ZNF594: variants seen among roughly 807,000 people sequenced by gnomAD.
ZNF594 encodes the protein zinc finger protein 594, also known as zinc finger protein HZF18.
For missense variants in ZNF594, 1,037 were observed against 964.6 expected, an observed-to-expected ratio of 1.08 and a Z score of -0.99; for synonymous variants, 336 against 309.4, an observed-to-expected ratio of 1.09 and a Z score of -0.90.
At position 5,183,371 on chromosome 17, in the gene ZNF594, T is replaced by C. The variant is rs1377848167; in HGVS notation, c.886A>G (p.Lys296Glu). ...QRIHTGEKPL[K>E]CNECEKAFRQ... ...AAGGCTTTTTCACATTCATTACATT[T>C]GAGGGGTTTCTCTCCAGTGTGAATT... Residue 296 changes from lysine (K) to glutamate (E), a missense_variant, in exon 2 of 2, where the codon AAA becomes GAA. Physicochemically the swap from Lys to Glu is moderately conservative, Grantham distance 56. Coordinates refer to ENST00000575779, the MANE Select transcript of ZNF594 (RefSeq NM_032530.2). 3 of 1,613,586 alleles carry C rather than the reference T, an allele frequency of 1.9e-6. No homozygotes were observed. Among genetic ancestry groups the C allele is most frequent in the East Asian group, 2.2e-5 (1 of 44,900 alleles).
downstream of ZNF594, among the ~76,000 whole-genome samples, chr17:5,175,582 G>T (rs973759006): frequency 6.6e-6 from 1 of 152,136 alleles, no homozygotes; most frequent in East Asian, 1.9e-4. Context: ...AGAAAGTTAT[G>T]GCAGGGAAGC....
chr17:5,183,044 C>T lies in ZNF594; in HGVS notation c.1213G>A (p.Glu405Lys). ...QVTHTGEKPY[E>K]CKECGKTFNQ... ...AAAGTTTTCCCACATTCTTTACATT[C>T]ATATGGTTTCTCTCCTGTATGAGTT... is the stretch of plus-strand genomic sequence containing the variant. The change falls in exon 2 of 2, where the codon GAA becomes AAA. Residue 405 changes from glutamate (E) to lysine (K), a missense_variant. Glu to Lys is a moderately conservative substitution (Grantham distance 56, BLOSUM62 1). Transcript: ENST00000575779. The T allele has an allele frequency of 2.5e-6, 4 of 1,614,116 alleles. No individual in the cohort carries two copies. Among genetic ancestry groups the T allele is most frequent in the Non-Finnish European group, 3.4e-6 (4 of 1,180,022 alleles).
chr17:5,182,104 A>C lies in ZNF594; in HGVS notation c.2153T>G (p.Met718Arg), dbSNP rs2074346724. 6.2e-7 allele frequency: 1 copy of C among 1,613,432 alleles called. No homozygotes were observed. ...ATGTTTGAGGAAAGCCGTGTGCCAC[A>C]TGAAGAGTTTCCCACATTCCTTACA... ...YECKECGKLF[M>R]WHTAFLKHQR... The change falls in exon 2 of 2, where the codon ATG becomes AGG. Residue 718 changes from methionine (M) to arginine (R), a missense_variant. Physicochemically the swap from Met to Arg is moderately conservative, Grantham distance 91. Transcript: ENST00000575779.
chr17:5,174,379 T>C, the ZNF594 span: 2 of 190,860 alleles, frequency 1.0e-5, no homozygotes, highest in African/African-American at 4.7e-5. Context: ...AGGTAGTAAT[T>C]ACCAATGTAA....
rs1185415058 is a variant in ZNF594 at position 5,180,305 on chromosome 17, T to G, written c.*1528A>C. 6.6e-6 allele frequency: 1 copy of G among 152,288 alleles called. No homozygotes were observed. The highest frequency in any genetic ancestry group is 1.5e-5 in the Non-Finnish European group (1 of 68,202). The allele number at this position is 152,288 out of a possible 1,614,324, so 9.4% of individuals were successfully genotyped here. A position where few individuals can be genotyped will look rare whatever the true frequency, so the allele number is the denominator to read the frequency against. Reference sequence around the variant, plus strand: ...AACTCCTCATGATCAACTCGTGACCTCGTGATCTGCCCACCTTGGCTTCCC... The same window carrying G: ...AACTCCTCATGATCAACTCGTGACCGCGTGATCTGCCCACCTTGGCTTCCC... On this transcript the variant is annotated 3_prime_UTR_variant, in exon 2 of 2. Transcript: ENST00000575779.
intron 1 of ZNF594, among the ~76,000 whole-genome samples, chr17:5,186,792 G>C (rs1403103974): frequency 6.6e-6 from 1 of 152,144 alleles, no homozygotes; most frequent in Non-Finnish European, 1.5e-5. Context: ...CAAATCTCTA[G>C]GGCAGTGGCA....
rs1387909928 is a variant in ZNF594 at position 5,184,197 on chromosome 17, T to C, written c.60A>G (p.Ala20=). 6.2e-7 allele frequency: 1 copy of C among 1,614,138 alleles called. No homozygotes were observed. Among genetic ancestry groups the C allele is most frequent in the Non-Finnish European group, 8.5e-7 (1 of 1,180,018 alleles). The stretch of plus-strand genomic sequence containing the variant: ...TGATTTGTCTTTGGAGTTTTTCGGA[T>C]GCAGCCCTTGCTGACTTCTTTTCTT... ...ISEEKKSARA[A]SEKLQRQITQ... Residue 20 remains alanine (A), a synonymous_variant, in exon 2 of 2, where the codon GCA becomes GCG. Transcript: ENST00000575779.
rs1318146494 is a variant in ZNF594, at chr17:5,180,761, T to G, written c.*1072A>C. 6 of 317,986 alleles carry G rather than the reference T, an allele frequency of 1.9e-5. No homozygotes were observed. The highest frequency in any genetic ancestry group is 3.0e-5 in the Non-Finnish European group (5 of 164,374). 19.7% of individuals were successfully genotyped at this position (317,986 alleles called of 1,614,324 possible). Reference sequence around the variant, plus strand: ...GACAGAAAAAAAAAAGGTGATTATGTCCAAGAGCTTTTGGCTTTTCCACTT... The same window carrying G: ...GACAGAAAAAAAAAAGGTGATTATGGCCAAGAGCTTTTGGCTTTTCCACTT... On this transcript the variant is annotated 3_prime_UTR_variant, in exon 2 of 2. Transcript: ENST00000575779.
chr17:5,187,664 T>C (rs905074216), intron 1 of ZNF594, among the ~76,000 whole-genome samples: 1 of 152,226 alleles, frequency 6.6e-6, no homozygotes, highest in African/African-American at 2.4e-5. Context: ...GAGCTCTCAG[T>C]GCCCTAGCTT....
downstream of ZNF594, chr17:5,174,664 A>G (rs1306117747): frequency 9.5e-5 from 19 of 199,194 alleles, no homozygotes; most frequent in Admixed American, 1.1e-3. Context: ...ATTTCTTTAC[A>G]GATGTTTTAT....
downstream of ZNF594, among the ~76,000 whole-genome samples, chr17:5,178,404 G>A (rs529837395): frequency 1.6e-4 from 24 of 152,170 alleles, no homozygotes; most frequent in Non-Finnish European, 3.4e-4. Context: ...CTTAGCATAT[G>A]TAAAAGAAGG....
At chr17:5,184,382 C>A (rs1179424287) in intron 1 of ZNF594, 106 bp from the exon 2 acceptor site, 3 of 1,142,872 alleles carry the variant, frequency 2.6e-6, no homozygotes, top group Non-Finnish European at 3.6e-6. Flanking sequence ...GAAGACCTTT[C>A]CCTGCCAAAG....
chr17:5,182,107 A>G lies in ZNF594; in HGVS notation c.2150T>C (p.Phe717Ser). The G allele has an allele frequency of 6.2e-7, 1 of 1,613,520 alleles. No homozygotes were observed. The highest frequency in any genetic ancestry group is 8.5e-7 in the Non-Finnish European group (1 of 1,179,962). ...TTTGAGGAAAGCCGTGTGCCACATG[A>G]AGAGTTTCCCACATTCCTTACATTC... ...PYECKECGKL[F>S]MWHTAFLKHQ... The change falls in exon 2 of 2, where the codon TTC (phenylalanine) becomes TCC (serine). Residue 717 changes from phenylalanine to serine, a missense_variant. Phe to Ser is a radical substitution (Grantham distance 155, BLOSUM62 -2). Coordinates refer to ENST00000575779, the MANE Select transcript of ZNF594 (RefSeq NM_032530.2).
At position 5,183,783 on chromosome 17, in the gene ZNF594, A is replaced by G; in HGVS notation, c.474T>C (p.Asn158=). The change falls in exon 2 of 2, where the codon AAT becomes AAC. Residue 158 remains asparagine (N), a synonymous_variant. Coordinates refer to ENST00000575779, the MANE Select transcript of ZNF594 (RefSeq NM_032530.2). ...IHTGNKPYVC[N]ECGKDSNQSS... is the part of the protein sequence containing the mutation. ...TTTGATTAGAGTCTTTCCCACATTC[A>G]TTACACACATATGGCTTATTTCCTG... 6.2e-7 allele frequency: 1 copy of G among 1,614,146 alleles called. No individual in the cohort carries two copies. Among genetic ancestry groups the G allele is most frequent in the Non-Finnish European group, 8.5e-7 (1 of 1,180,034 alleles).
chr17:5,188,222 T>C lies in ZNF594; in HGVS notation c.-21+3526A>G, dbSNP rs150187958. 3.7e-3 allele frequency among the ~76,000 whole-genome samples: 553 copies of C among 151,212 alleles called. 3 individuals are homozygous for C. The highest frequency in any genetic ancestry group is 6.6e-3 in the Non-Finnish European group (447 of 67,814). ...TATATAGAGAGAGAGAGTTCAAAAT[T>C]CAGGAGCAGATTACTATTTAAAAGA... On this transcript the variant is annotated intron_variant, in intron 1 of 1. Transcript: ENST00000575779.
chr17:5,183,592 C>T lies in ZNF594; in HGVS notation c.665G>A (p.Gly222Glu). 6.2e-7 allele frequency: 1 copy of T among 1,614,144 alleles called. No homozygotes were observed. Among genetic ancestry groups the T allele is most frequent in the Non-Finnish European group, 8.5e-7 (1 of 1,180,020 alleles). The change falls in exon 2 of 2, where the codon GGA becomes GAA. Residue 222 changes from glycine to glutamate, a missense_variant. Transcript: ENST00000575779. ...CTGGTGCAGGACAAGGTTTGAGCTT[C>T]CCTTAAAAGCCTTCCCACACTCTTT... The part of the protein sequence containing the change: ...ECKECGKAFK[G>E]SSNLVLHQRI...
intron 1 of ZNF594, among the ~76,000 whole-genome samples, chr17:5,185,500 G>A (rs2074380489): frequency 6.6e-6 from 1 of 152,058 alleles, no homozygotes; most frequent in Admixed American, 6.6e-5. Context: ...GACTTGAGTG[G>A]GGACACAGAG....
chr17:5,182,643 A>G lies in ZNF594; in HGVS notation c.1614T>C (p.His538=). 1 of 1,613,986 alleles carries G rather than the reference A, an allele frequency of 6.2e-7. No individual in the cohort carries two copies. ...TCTCACATTCAAGTTTCTCTCCAGT[A>G]TGCAGGCTCTGATGTTTGAGGAAAG... ...RTAFLKHQSL[H]TGEKLECEKT... Residue 538 remains histidine (H), a synonymous_variant, in exon 2 of 2, where the codon CAT becomes CAC. Coordinates refer to ENST00000575779, the MANE Select transcript of ZNF594 (RefSeq NM_032530.2).
At position 5,182,304 on chromosome 17, in the gene ZNF594, G is replaced by A; in HGVS notation, c.1953C>T (p.Pro651=). 4 of 1,612,978 alleles carry A rather than the reference G, an allele frequency of 2.5e-6. No homozygotes were observed. The highest frequency in any genetic ancestry group is 3.4e-6 in the Non-Finnish European group (4 of 1,179,780). Residue 651 remains proline, a synonymous_variant, in exon 2 of 2, where the codon CCC becomes CCT. Coordinates refer to ENST00000575779, the MANE Select transcript of ZNF594 (RefSeq NM_032530.2). ...CTTTCCCACATTCACTACATTCATA[G>A]GGTTTCTCTCCAGTATGAATACGAT... ...KHHRIHTGEK[P]YECSECGKAF... is the part of the protein sequence containing the mutation.
Sources: gnomAD v4.1 joint callset for allele counts (sites outside exome capture counted in the v4.1 genomes callset) on GRCh38, gnomAD v4.1.1 for gene constraint, MANE v1.5 for transcripts, NCBI Gene and HGNC (gene_info 2026-07-23, HGNC 2026-07-21) for gene names.